Variants in SMARCE1 observed in about 807,000 individuals in gnomAD.
SMARCE1 encodes SWI/SNF related BAF chromatin remodeling complex subunit E1, also known as SWI/SNF-related matrix-associated actin-dependent regulator of chromatin subfamily E member 1.
SMARCE1 carries 13 observed loss-of-function variants against 54.9 expected under a neutral mutation model. The observed-to-expected ratio is 0.24, with a 90% confidence interval of 0.15 to 0.38. The LOEUF (loss-of-function observed/expected upper bound fraction) is 0.38. SMARCE1 is among the 10% of genes least tolerant of loss of function. The probability of loss-of-function intolerance (pLI) is 1.00; values close to 1 mark genes in which losing one functional copy is unlikely to be tolerated. For synonymous variants in SMARCE1, 151 were observed against 175.3 expected (o/e 0.86, Z 1.10); for missense variants, 295 against 523.8 (o/e 0.56, Z 4.26).
intron 7 of SMARCE1, chr17:40,634,468 C>T (rs546140521): frequency 1.3e-5 from 2 of 152,334 alleles, no homozygotes; most frequent in South Asian, 4.1e-4. Flanking sequence ...TTAAAGAAGT[C>T]AGTAGCTGTT....
At position 40,642,521 on chromosome 17, in the gene SMARCE1, T is replaced by C. The variant is rs750602675; in HGVS notation, c.90A>G (p.Pro30=). Residue 30 remains proline (P), a synonymous_variant, in exon 4 of 11, where the codon CCA becomes CCG. Coordinates refer to ENST00000348513, the MANE Select transcript of SMARCE1 (RefSeq NM_003079.5). This position sits in a 1 kb window ranked among gnomAD's most constrained non-coding sequence, Gnocchi z 4.6. ...AGTTGTTGTAGGCGAGATGACTGTA[T>C]GGATTGTATCCCACAAACCCTGGTG... is the stretch of plus-strand genomic sequence containing the variant. ...PSTPGFVGYN[P]YSHLAYNNYR... 1.9e-6 allele frequency: 3 copies of C among 1,612,210 alleles called. No individual in the cohort carries two copies. Among genetic ancestry groups the C allele is most frequent in the South Asian group, 1.1e-5 (1 of 90,996 alleles).
rs1036473711 is a variant in SMARCE1, at chr17:40,642,181, T to A, written c.156+274A>T. ...TATTTTTACCTTAAGAAATTCTGTT[T>A]GTTTACATACAGTATAAGCATCAAG... On this transcript the variant is annotated intron_variant, in intron 4 of 10. Coordinates refer to ENST00000348513, the MANE Select transcript of SMARCE1 (RefSeq NM_003079.5). The surrounding 1 kb of genome is among the most constrained non-coding windows in gnomAD (Gnocchi z 4.6). 1.4e-4 allele frequency: 73 copies of A among 518,668 alleles called. No individual in the cohort carries two copies. Among genetic ancestry groups the A allele is most frequent in the African/African-American group, 1.2e-3 (61 of 50,104 alleles). 32.1% of individuals were successfully genotyped at this position (518,668 alleles called of 1,614,324 possible).
At chr17:40,643,359 T>G (rs568145554) in intron 3 of SMARCE1, 2 of 152,242 alleles carry the variant, frequency 1.3e-5, no homozygotes, top group Admixed American at 6.5e-5. Flanking sequence ...TTCTAGTTTA[T>G]AGACTTCTTT....
At chr17:40,637,947 A>C (rs1482753357) in intron 4 of SMARCE1, among the ~76,000 whole-genome samples, 2 of 152,188 alleles carry the variant, frequency 1.3e-5, no homozygotes, top group South Asian at 2.1e-4. Context: ...ACACTTGATT[A>C]TCTGCAGCAG....
At chr17:40,638,577 C>A (rs2037167117) in intron 4 of SMARCE1, among the ~76,000 whole-genome samples, 1 of 152,106 alleles carries the variant, frequency 6.6e-6, no homozygotes, top group African/African-American at 2.4e-5. Context: ...AGATAACACC[C>A]ATCTAAAAGT....
At chr17:40,631,886 G>A (rs1430714510) in intron 8 of SMARCE1, 193 bp from the exon 9 acceptor site, 12 of 562,558 alleles carry the variant, frequency 2.1e-5, no homozygotes, top group Non-Finnish European at 3.5e-5. Flanking sequence ...ACTGTTTCAG[G>A]CCTGAGCAAT....
chr17:40,631,429 G>C, intron 9 of SMARCE1, 163 bp downstream of exon 9: 1 of 554,106 alleles, frequency 1.8e-6, no homozygotes, highest in Non-Finnish European at 3.2e-6. Context: ...GCCAGAGAAT[G>C]GGAACAATCT....
chr17:40,631,177 G>GA (rs2037091650), intron 9 of SMARCE1: 1 of 409,494 alleles, frequency 2.4e-6, no homozygotes, highest in East Asian at 4.0e-5. Flanking sequence ...GCAAAATAGT[G>GA]AAAGTTCTGG....
At chr17:40,647,124 G>C (rs2037265892) in intron 1 of SMARCE1, 1 of 152,058 alleles carries the variant, frequency 6.6e-6, no homozygotes, top group Admixed American at 6.5e-5. Flanking sequence ...TTGTACATTT[G>C]TCCACCGTTG....
At position 40,630,147 on chromosome 17, in the gene SMARCE1, T is replaced by C. The variant is rs548671260; in HGVS notation, c.1027+567A>G. ...GTGATCTCAAAATTACAAGTGACGA[T>C]CAATGTAATCAGTACTTTATGTAAG... On this transcript the variant is annotated intron_variant, in intron 10 of 10. Coordinates refer to ENST00000348513, the MANE Select transcript of SMARCE1 (RefSeq NM_003079.5). 1.5e-5 allele frequency: 13 copies of C among 850,618 alleles called. No homozygotes were observed. In the South Asian group the frequency reaches 1.6e-4, roughly 10 times the overall value. 52.7% of individuals were successfully genotyped at this position (850,618 alleles called of 1,614,324 possible).
intron 8 of SMARCE1, 183 bp downstream of exon 8, chr17:40,632,012 G>A: frequency 3.5e-6 from 2 of 577,842 alleles, no homozygotes; most frequent in Admixed American, 3.3e-5. Context: ...CTATATTATA[G>A]TTTTTAATGA....
rs542193901 is a variant in SMARCE1, at chr17:40,631,641, T to C, written c.767A>G (p.Lys256Arg). ...ATCTGTGCTTTCCAGGAATTTCCTC[T>C]TCTTCTCCTGGTGTCGTTCCTCTAT... ...LQIEERHQEK[K>R]RKFLESTDSF... Residue 256 changes from lysine to arginine, a missense_variant, in exon 9 of 11, where the codon AAG (lysine) becomes AGG (arginine). Around this residue, in one of 5 missense-constraint regions of SMARCE1, gnomAD observed 101 missense variants for 183.1 expected, o/e 0.55. Transcript: ENST00000348513. 28 of 1,611,522 alleles carry C rather than the reference T, an allele frequency of 1.7e-5. No homozygotes were observed. Among genetic ancestry groups the C allele is most frequent in the Middle Eastern group, 3.3e-4 (2 of 6,040 alleles).
intron 8 of SMARCE1, 47 bp downstream of exon 8, chr17:40,632,148 T>C: frequency 1.4e-6 from 2 of 1,417,248 alleles, no homozygotes; most frequent in Non-Finnish European, 2.0e-6. Flanking sequence ...CACCTGGGAT[T>C]TGTGGTATAG....
Position 40,628,212 on chromosome 17 carries a change from A to C in SMARCE1, c.*573T>G, listed in dbSNP as rs1465479736. The stretch of plus-strand genomic sequence containing the variant: ...ATAAGTAACTACTCTAACTATGGGG[A>C]CTATTTCTGGATCAGTAAGATCCAA... On this transcript the variant is annotated 3_prime_UTR_variant, in exon 11 of 11. Coordinates refer to ENST00000348513, the MANE Select transcript of SMARCE1 (RefSeq NM_003079.5). 6.5e-6 allele frequency: 1 copy of C among 153,392 alleles called. No homozygotes were observed. Among genetic ancestry groups the C allele is most frequent in the Admixed American group, 6.5e-5 (1 of 15,450 alleles). The allele number at this position is 153,392 out of a possible 1,614,324, so 9.5% of individuals were successfully genotyped here. A position where few individuals can be genotyped will look rare whatever the true frequency, so the allele number is the denominator to read the frequency against.
intron 3 of SMARCE1, chr17:40,643,779 A>G (rs918481092): frequency 6.6e-6 from 1 of 152,252 alleles, no homozygotes; most frequent in African/African-American, 2.4e-5. Flanking sequence ...AAAGACATTT[A>G]AGCAGATATT....
rs904232623 is a variant in SMARCE1 at position 40,625,461 on chromosome 17, A to T, written c.*3324T>A. On this transcript the variant is annotated 3_prime_UTR_variant, in exon 11 of 11. Transcript: ENST00000348513. Reference sequence around the variant, plus strand: ...TTGCCCAGCGGTAAAAAACAAGATAAAACTAATGCACTAGCTGAAACCAGG... The same window carrying T: ...TTGCCCAGCGGTAAAAAACAAGATATAACTAATGCACTAGCTGAAACCAGG... The T allele has an allele frequency of 2.6e-5, 4 of 152,232 alleles. No homozygotes were observed. Among genetic ancestry groups the T allele is most frequent in the Admixed American group, 1.3e-4 (2 of 15,288 alleles). 9.4% of individuals were successfully genotyped at this position (152,232 alleles called of 1,614,324 possible). A position where few individuals can be genotyped will look rare whatever the true frequency, so the allele number is the denominator to read the frequency against.
intron 5 of SMARCE1, chr17:40,637,207 T>G: frequency 2.4e-6 from 1 of 409,514 alleles, no homozygotes; most frequent in East Asian, 5.1e-5. Flanking sequence ...CTCCTTCACT[T>G]AACATTTTCC....
intron 9 of SMARCE1, chr17:40,631,318 T>C (rs1284777680): frequency 2.4e-5 from 8 of 339,144 alleles, no homozygotes; most frequent in Non-Finnish European, 4.2e-5. Context: ...ATGAAAGTAA[T>C]TAATGACTGT....
chr17:40,637,394 T>C (rs544910325), intron 5 of SMARCE1, 98 bp downstream of exon 5: 1 of 967,602 alleles, frequency 1.0e-6, no homozygotes, highest in Middle Eastern at 2.3e-4. Context: ...CCTCTGAATA[T>C]GCACAGAAAA....
Sources: gnomAD v4.1 joint callset for allele counts (sites outside exome capture counted in the v4.1 genomes callset) on GRCh38, gnomAD v4.1.1 for gene constraint, gnomAD v4.1.1 regional missense constraint, Gnocchi (gnomAD v3.1) non-coding constraint, MANE v1.5 for transcripts, NCBI Gene and HGNC (gene_info 2026-07-23, HGNC 2026-07-21) for gene names.